REEP3: variants seen among roughly 807,000 people sequenced by gnomAD.
REEP3 encodes receptor expression-enhancing protein 3.
REEP3 carries 20 observed loss-of-function variants against 41.3 expected under a neutral mutation model. That is an observed-to-expected ratio of 0.48 (90% CI 0.34 to 0.70). The LOEUF is 0.70. Ranked by LOEUF, REEP3 falls within the 30% of genes least tolerant of loss-of-function variation. The pLI is 0.01. For missense variants in REEP3, 271 were observed against 308.8 expected, an observed-to-expected ratio of 0.88 and a Z score of 0.92; for synonymous variants, 104 against 101.8, an observed-to-expected ratio of 1.02 and a Z score of -0.13.
In REEP3 at chr10:63,572,355, G is replaced by C. The variant is rs1955860830; in HGVS notation, c.105+5945G>C. Among the ~76,000 whole-genome samples the C allele has an allele frequency of 2.6e-5, 4 of 151,726 alleles. No individual in the cohort carries two copies. The South Asian group carries it at 8.3e-4, about 32-fold the overall frequency. The stretch of plus-strand genomic sequence containing the variant: ...GTTCTCGGATACATGTGCGGAACGT[G>C]TAGGTTTGTTACATAGATATACATG... On this transcript the variant is annotated intron_variant, in intron 2 of 7. Coordinates refer to ENST00000373758, the MANE Select transcript of REEP3 (RefSeq NM_001001330.3).
chr10:63,545,632 CA>C (rs1451124441), intron 1 of REEP3, among the ~76,000 whole-genome samples: 1 of 150,342 alleles, frequency 6.7e-6, no homozygotes, highest in Non-Finnish European at 1.5e-5. Flanking sequence ...CTCGGCCTCC[CA>C]AAGTGCTAGG....
At chr10:63,589,143 G>A (rs539937912) in intron 2 of REEP3, among the ~76,000 whole-genome samples, 1 of 152,264 alleles carries the variant, frequency 6.6e-6, no homozygotes, top group South Asian at 2.1e-4. Flanking sequence ...GTTTTAAGTA[G>A]GCACCCTGAC....
intron 2 of REEP3, among the ~76,000 whole-genome samples, chr10:63,580,511 T>C (rs1955942831): frequency 6.6e-6 from 1 of 152,050 alleles, no homozygotes; most frequent in South Asian, 2.1e-4. Flanking sequence ...GTAGCATGAA[T>C]AAAGCAATAT....
chr10:63,539,322 A>G (rs1197809002), intron 1 of REEP3, among the ~76,000 whole-genome samples: 1 of 152,200 alleles, frequency 6.6e-6, no homozygotes, highest in Non-Finnish European at 1.5e-5. Context: ...TAAACAGGCA[A>G]AATTTTCTAA....
intron 1 of REEP3, among the ~76,000 whole-genome samples, chr10:63,536,345 T>C (rs1027413059): frequency 1.1e-4 from 17 of 152,232 alleles, no homozygotes; most frequent in African/African-American, 3.6e-4. Context: ...CAAGATTCAG[T>C]TATTATCCAC....
intron 1 of REEP3, among the ~76,000 whole-genome samples, chr10:63,563,354 C>T (rs1173927571): frequency 5.3e-5 from 8 of 152,170 alleles, no homozygotes; most frequent in African/African-American, 1.2e-4. Context: ...ACTTAGCTCC[C>T]AGATCTTGGC....
intron 1 of REEP3, among the ~76,000 whole-genome samples, chr10:63,541,775 A>G (rs1165019960): frequency 1.3e-5 from 2 of 152,352 alleles, no homozygotes; most frequent in Non-Finnish European, 2.9e-5. Context: ...AGATATCTCA[A>G]CAAAGGATAG....
intron 2 of REEP3, among the ~76,000 whole-genome samples, chr10:63,591,024 A>AT (rs1292178213): frequency 1.3e-5 from 2 of 151,746 alleles, no homozygotes; most frequent in African/African-American, 2.4e-5. Flanking sequence ...TTTCCTTTCA[A>AT]TTTTTTGGTA....
chr10:63,593,456 T>G (rs192194335), intron 2 of REEP3, among the ~76,000 whole-genome samples: 79 of 152,350 alleles, frequency 5.2e-4, no homozygotes, highest in African/African-American at 1.9e-3. Context: ...TGCCACTGTT[T>G]TCTTATCGAT....
intron 2 of REEP3, among the ~76,000 whole-genome samples, chr10:63,571,705 T>A (rs907216863): frequency 6.6e-6 from 1 of 152,178 alleles, no homozygotes; most frequent in Non-Finnish European, 1.5e-5. Flanking sequence ...CACAGACATC[T>A]TTAGGGGAGA....
At chr10:63,598,809 G>A (rs1477520949) in intron 4 of REEP3, among the ~76,000 whole-genome samples, 1 of 150,698 alleles carries the variant, frequency 6.6e-6, no homozygotes, top group Non-Finnish European at 1.5e-5. Context: ...AGAAGCGCCT[G>A]GGCTGGGTGC....
At chr10:63,539,815 G>T (rs1955512401) in intron 1 of REEP3, among the ~76,000 whole-genome samples, 1 of 152,032 alleles carries the variant, frequency 6.6e-6, no homozygotes, top group Admixed American at 6.5e-5. Context: ...ACTGATTTGG[G>T]ATGGCACCTG....
chr10:63,522,547 G>A (rs145632692), intron 1 of REEP3, among the ~76,000 whole-genome samples: 6 of 152,222 alleles, frequency 3.9e-5, no homozygotes, highest in African/African-American at 1.4e-4. Context: ...ATTCACCTCT[G>A]TAGTAGTGTT....
chr10:63,556,866 A>G (rs1223008029), intron 1 of REEP3, among the ~76,000 whole-genome samples: 1 of 147,772 alleles, frequency 6.8e-6, no homozygotes, highest in Non-Finnish European at 1.5e-5. Context: ...CGATCTCCTG[A>G]CCTCGTGATC....
At chr10:63,538,223 T>G (rs184795553) in intron 1 of REEP3, among the ~76,000 whole-genome samples, 1 of 152,220 alleles carries the variant, frequency 6.6e-6, no homozygotes, top group Non-Finnish European at 1.5e-5. Flanking sequence ...CTATCAAAAA[T>G]GTCACATTGC....
At chr10:63,529,116 G>A (rs1056858660) in intron 1 of REEP3, among the ~76,000 whole-genome samples, 1 of 152,176 alleles carries the variant, frequency 6.6e-6, no homozygotes. Context: ...TGAATTTGGG[G>A]ACTGCCTTTT....
intron 5 of REEP3, among the ~76,000 whole-genome samples, chr10:63,606,283 TTCTTTCC>T (rs750631297): frequency 0.019 from 2,905 of 151,964 alleles, 43 homozygotes; most frequent in Non-Finnish European, 0.031. Context: ...TTCTTTTTCT[TTCTTTCC>T]TTTCTTTCTT....
intron 1 of REEP3, among the ~76,000 whole-genome samples, chr10:63,549,274 T>G (rs560707402): frequency 3.9e-5 from 6 of 152,216 alleles, no homozygotes; most frequent in East Asian, 1.9e-4. Context: ...GGGAGAGAGA[T>G]AAAGAAAGAA....
In REEP3 at chr10:63,621,115, C is replaced by A. The variant is rs1213262949; in HGVS notation, c.*246C>A. 2 of 325,850 alleles carry A rather than the reference C, an allele frequency of 6.1e-6. No individual in the cohort carries two copies. Among genetic ancestry groups the A allele is most frequent in the East Asian group, 5.7e-5 (1 of 17,670 alleles). 20.2% of individuals were successfully genotyped at this position (325,850 alleles called of 1,614,324 possible). A position where few individuals can be genotyped will look rare whatever the true frequency, so the allele number is the denominator to read the frequency against. On this transcript the variant is annotated 3_prime_UTR_variant, in exon 8 of 8. Transcript: ENST00000373758. ...AGAAATTATAGAAAATCATGTTGTCCGTTTTCAAATTCATCAACAGCCTAG... is the reference window on the plus strand; with the variant it reads ...AGAAATTATAGAAAATCATGTTGTCAGTTTTCAAATTCATCAACAGCCTAG...
Sources: gnomAD v4.1 joint callset for allele counts (sites outside exome capture counted in the v4.1 genomes callset) on GRCh38, gnomAD v4.1.1 for gene constraint, MANE v1.5 for transcripts, NCBI Gene and HGNC (gene_info 2026-07-23, HGNC 2026-07-21) for gene names.